NOX5: variants seen among roughly 807,000 people sequenced by gnomAD.
The protein encoded by NOX5 is NADPH oxidase 5.
Under a neutral mutation model 85.7 loss-of-function variants are expected in NOX5, and 76 were observed. That is an observed-to-expected ratio of 0.89 (90% CI 0.74 to 1.07). The LOEUF is 1.07. Ranked by LOEUF, NOX5 falls within the 50% of genes least tolerant of loss-of-function variation. The pLI is 0.00. For synonymous variants in NOX5, 405 were observed against 401.4 expected (o/e 1.01, Z -0.11); for missense variants, 973 against 999.5 (o/e 0.97, Z 0.36).
intron 9 of NOX5, among the ~76,000 whole-genome samples, chr15:69,041,726 A>G (rs1345157222): frequency 6.6e-6 from 1 of 152,242 alleles, no homozygotes; most frequent in Non-Finnish European, 1.5e-5. Flanking sequence ...CTGGATTCAT[A>G]TGTAATTTCT....
chr15:69,049,111 C>A, intron 14 of NOX5, 53 bp downstream of exon 14: 1 of 1,168,490 alleles, frequency 8.6e-7, no homozygotes, highest in South Asian at 1.5e-5. Flanking sequence ...GGGCCTTCAG[C>A]TTCTTTAAAA....
At chr15:69,043,731 A>C (rs2140272306) in intron 10 of NOX5, among the ~76,000 whole-genome samples, 1 of 152,280 alleles carries the variant, frequency 6.6e-6, no homozygotes, top group South Asian at 2.1e-4. Context: ...ACTGTGGATC[A>C]ATGGGCTAGA....
Position 69,048,993 on chromosome 15 carries a change from CT to C in NOX5, c.1937del (p.Phe646SerfsTer5). The stretch of plus-strand genomic sequence containing the variant: ...ATCTGGATCAACAGAGACCAGCGGT[CT>C]TTCGAGTGGTTTGTGAGCCTGCTGA... ...DFIWINRDQR[S>X]FEWFVSLLTK... is the part of the protein sequence containing the mutation. On this transcript the variant is annotated frameshift_variant, in exon 14 of 16. Transcript: ENST00000388866. LOFTEE classifies it high-confidence loss of function. 1 of 1,612,928 alleles carries C rather than the reference CT, an allele frequency of 6.2e-7. No individual in the cohort carries two copies. The highest frequency in any genetic ancestry group is 8.5e-7 in the Non-Finnish European group (1 of 1,179,628).
At chr15:69,018,390 T>A (rs2050256228) in intron 1 of NOX5, among the ~76,000 whole-genome samples, 1 of 152,096 alleles carries the variant, frequency 6.6e-6, no homozygotes, top group African/African-American at 2.4e-5. Context: ...CGTGGAGGCT[T>A]TACCTGAATG....
chr15:69,038,566 GT>G (rs1404971099), intron 8 of NOX5, among the ~76,000 whole-genome samples: 1 of 152,150 alleles, frequency 6.6e-6, no homozygotes, highest in Non-Finnish European at 1.5e-5. Context: ...ACAGGGATAC[GT>G]CACAGAGGGT....
At chr15:69,028,138 C>G in intron 2 of NOX5, 77 bp from the exon 3 acceptor site, 1 of 1,480,406 alleles carries the variant, frequency 6.8e-7, no homozygotes, top group Non-Finnish European at 9.1e-7. Flanking sequence ...ACCCCAGACA[C>G]AGGGAGACAG....
At chr15:69,024,805 A>G (rs1167704213) in intron 1 of NOX5, among the ~76,000 whole-genome samples, 1 of 152,140 alleles carries the variant, frequency 6.6e-6, no homozygotes, top group East Asian at 1.9e-4. Flanking sequence ...GATAAGGGAG[A>G]AGTATTATAT....
intron 10 of NOX5, among the ~76,000 whole-genome samples, chr15:69,045,556 C>CTTTCTTTCTT (rs1211382100): frequency 1.6e-5 from 2 of 127,092 alleles, no homozygotes; most frequent in Non-Finnish European, 3.2e-5. Flanking sequence ...TTCTTTCTTT[C>CTTTCTTTCTT]TTTCTTTCTT....
chr15:69,032,054 T>C (rs1419338513), intron 4 of NOX5, among the ~76,000 whole-genome samples: 1 of 152,230 alleles, frequency 6.6e-6, no homozygotes, highest in Non-Finnish European at 1.5e-5. Context: ...CACTTTTGCA[T>C]ATACCAGTGC....
At chr15:69,054,331 C>T (rs771703307) in intron 14 of NOX5, among the ~76,000 whole-genome samples, 2 of 152,216 alleles carry the variant, frequency 1.3e-5, no homozygotes, top group African/African-American at 2.4e-5. Context: ...CGCAGAACTG[C>T]GGGTGCTCTG....
chr15:69,021,338 C>T (rs545831368), intron 1 of NOX5, among the ~76,000 whole-genome samples: 1 of 151,738 alleles, frequency 6.6e-6, no homozygotes, highest in South Asian at 2.1e-4. Context: ...ATTTAACTGC[C>T]CTTTTGAATT....
intron 1 of NOX5, among the ~76,000 whole-genome samples, chr15:69,024,616 A>G (rs1316642281): frequency 6.6e-6 from 1 of 152,186 alleles, no homozygotes; most frequent in African/African-American, 2.4e-5. Context: ...ATATTGTTAT[A>G]TATTGTTATA....
At chr15:69,021,413 G>C (rs919689427) in intron 1 of NOX5, among the ~76,000 whole-genome samples, 5 of 151,452 alleles carry the variant, frequency 3.3e-5, no homozygotes, top group African/African-American at 9.7e-5. Context: ...TGCCTCCTGG[G>C]TTCAAGTGAT....
intron 3 of NOX5, chr15:69,028,581 G>T (rs922057615): frequency 5.2e-6 from 2 of 385,618 alleles, no homozygotes; most frequent in Non-Finnish European, 9.1e-6. Flanking sequence ...TTCTGGGGCA[G>T]CAGGGAGAAA....
chr15:69,028,330 A>T lies in NOX5; in HGVS notation c.290A>T (p.Lys97Ile), dbSNP rs36036826. 689 of 1,611,658 alleles carry T rather than the reference A, an allele frequency of 4.3e-4. 1 individual carries two copies. The African/African-American group carries it at 8.2e-3, about 19-fold the overall frequency. ...CTCATCCATGGCAGCCCCATGGACA[A>T]ACTCAAATTCCTCTTCCAGGTGTAT... ...TLLIHGSPMD[K>I]LKFLFQVYDI... The change falls in exon 3 of 16, where the codon AAA becomes ATA. Residue 97 changes from lysine (K) to isoleucine (I), a missense_variant. By Grantham distance (102) the Lys-to-Ile change is moderately radical. Transcript: ENST00000388866.
At chr15:69,048,792 G>C (rs2050708914) in intron 13 of NOX5, among the ~76,000 whole-genome samples, 167 bp from the exon 14 acceptor site, 2 of 152,138 alleles carry the variant, frequency 1.3e-5, no homozygotes, top group Admixed American at 1.3e-4. Flanking sequence ...TGTGATCTGG[G>C]CATGGCTGCT....
chr15:69,042,479 G>T (rs1338669137), intron 9 of NOX5, among the ~76,000 whole-genome samples, 184 bp from the exon 10 acceptor site: 1 of 152,172 alleles, frequency 6.6e-6, no homozygotes, highest in Non-Finnish European at 1.5e-5. Context: ...CTCAAGGTCT[G>T]CCCCACAGAG....
At position 69,057,914 on chromosome 15, in the gene NOX5, A is replaced by G. The variant is rs2050832884; in HGVS notation, c.*1218A>G. On this transcript the variant is annotated 3_prime_UTR_variant, in exon 16 of 16. Coordinates refer to ENST00000388866, the MANE Select transcript of NOX5 (RefSeq NM_024505.4). ...TGTCCCTGTCTGGGCAGGAGGGAAC[A>G]GCAGAGGCAGCAAAGGCTCTCTCAG... 6.6e-6 allele frequency: 1 copy of G among 152,386 alleles called. No homozygotes were observed. Among genetic ancestry groups the G allele is most frequent in the Non-Finnish European group, 1.5e-5 (1 of 68,154 alleles). 9.4% of individuals were successfully genotyped at this position (152,386 alleles called of 1,614,324 possible). A position where few individuals can be genotyped will look rare whatever the true frequency, so the allele number is the denominator to read the frequency against.
At chr15:69,053,517 G>T (rs2050774702) in intron 14 of NOX5, among the ~76,000 whole-genome samples, 1 of 152,114 alleles carries the variant, frequency 6.6e-6, no homozygotes, top group Non-Finnish European at 1.5e-5. Flanking sequence ...TATAGTTAGT[G>T]GTTATACCGT....
Sources: allele counts gnomAD v4.1 joint callset (sites outside exome capture counted in the v4.1 genomes callset), GRCh38; gene constraint gnomAD v4.1.1; transcripts MANE v1.5; gene names NCBI Gene and HGNC (gene_info 2026-07-23, HGNC 2026-07-21).